EML1: variants seen among roughly 807,000 people sequenced by gnomAD.
EML1 encodes the protein EMAP like 1.
A neutral mutation model predicts 110.4 loss-of-function variants in EML1; 27 were observed. The observed-to-expected ratio is 0.24, with a 90% CI of 0.18 to 0.34. The LOEUF is 0.34. Among genes scored for constraint, EML1 ranks in the 10% least tolerant of loss-of-function variants. The probability of loss-of-function intolerance (pLI) is 1.00; values close to 1 mark genes in which losing one functional copy is unlikely to be tolerated. For missense variants in EML1, 741 were observed against 1,030.9 expected, an observed-to-expected ratio of 0.72 and a Z score of 3.85; for synonymous variants, 344 against 385.8, an observed-to-expected ratio of 0.89 and a Z score of 1.27.
intron 9 of EML1, among the ~76,000 whole-genome samples, chr14:99,904,547 T>TTAG (rs2059812862): frequency 1.2e-5 from 1 of 83,654 alleles, no homozygotes; most frequent in African/African-American, 3.5e-5. Flanking sequence ...TGATTTAAGC[T>TTAG]TATTATTATT....
chr14:99,816,796 C>T (rs1486309319), intron 1 of EML1, among the ~76,000 whole-genome samples: 1 of 152,240 alleles, frequency 6.6e-6, no homozygotes, highest in African/African-American at 2.4e-5. Context: ...CTGTGTGTGG[C>T]TGACATCTTC....
At chr14:99,874,571 C>T (rs554240960) in intron 3 of EML1, among the ~76,000 whole-genome samples, 1 of 147,792 alleles carries the variant, frequency 6.8e-6, no homozygotes, top group South Asian at 2.1e-4. Context: ...GCCCTTGTTA[C>T]TGCAAATGTC....
At chr14:99,870,341 A>T (rs1375522819) in intron 3 of EML1, among the ~76,000 whole-genome samples, 10 of 152,226 alleles carry the variant, frequency 6.6e-5, no homozygotes. Context: ...AGGTTGGCTC[A>T]TGAGGTTTAA....
At chr14:99,925,693 G>C (rs1014590361) in intron 17 of EML1, among the ~76,000 whole-genome samples, 1 of 152,160 alleles carries the variant, frequency 6.6e-6, no homozygotes, top group Admixed American at 6.5e-5. Flanking sequence ...TTTCCATGTC[G>C]GCCTGGCTTT....
intron 1 of EML1, among the ~76,000 whole-genome samples, chr14:99,795,890 G>C (rs143258632): frequency 1.4e-3 from 209 of 152,254 alleles, no homozygotes; most frequent in African/African-American, 4.8e-3. Flanking sequence ...ATATTATTTG[G>C]ATGACTGTCA....
intron 1 of EML1, among the ~76,000 whole-genome samples, chr14:99,756,028 C>T (rs553027395): frequency 1.3e-5 from 2 of 152,356 alleles, no homozygotes; most frequent in African/African-American, 2.4e-5. Flanking sequence ...CACAGCCCCT[C>T]GCCTAGCCAG....
At position 99,891,196 on chromosome 14, in the gene EML1, C is replaced by T. The variant is rs762919969; in HGVS notation, c.519-3C>T. Reference sequence around the variant, plus strand: ...AAAAACTGTTTTTCGTTTATTTTCACAGCAAACCCAAGGAGCCTGTATTCA... The same window carrying T: ...AAAAACTGTTTTTCGTTTATTTTCATAGCAAACCCAAGGAGCCTGTATTCA... On this transcript the variant is annotated splice_polypyrimidine_tract_variant and splice_region_variant and intron_variant, in intron 4 of 21. Transcript: ENST00000262233. 6.2e-7 allele frequency: 1 copy of T among 1,614,156 alleles called. No individual in the cohort carries two copies.
At chr14:99,900,084 C>T (rs2059735611) in intron 8 of EML1, among the ~76,000 whole-genome samples, 1 of 151,834 alleles carries the variant, frequency 6.6e-6, no homozygotes, top group African/African-American at 2.4e-5. Context: ...GCGTAAATAA[C>T]CTAGGAACAC....
intron 17 of EML1, among the ~76,000 whole-genome samples, chr14:99,923,610 A>G: frequency 6.7e-6 from 1 of 150,050 alleles, no homozygotes; most frequent in African/African-American, 2.4e-5. Context: ...TCAGAAATGT[A>G]AAGGTTTATT....
At chr14:99,893,182 G>A (rs1448301879) in intron 5 of EML1, among the ~76,000 whole-genome samples, 1 of 152,224 alleles carries the variant, frequency 6.6e-6, no homozygotes, top group Non-Finnish European at 1.5e-5. Context: ...TGCGGTGAGA[G>A]CCTGGCAGGG....
intron 1 of EML1, among the ~76,000 whole-genome samples, chr14:99,820,007 AC>A (rs1410538263): frequency 6.6e-6 from 1 of 152,184 alleles, no homozygotes; most frequent in Non-Finnish European, 1.5e-5. Flanking sequence ...AATTAATAGT[AC>A]TTCCCTATAA....
chr14:99,938,047 A>C (rs1595513002), intron 20 of EML1, 135 bp downstream of exon 20: 69 of 824,744 alleles, frequency 8.4e-5, no homozygotes, highest in Middle Eastern at 2.4e-4. Flanking sequence ...CATGAGACAC[A>C]CCTCCTGCCG....
intron 1 of EML1, among the ~76,000 whole-genome samples, chr14:99,761,397 C>G (rs2057312304): frequency 6.6e-6 from 1 of 152,180 alleles, no homozygotes; most frequent in African/African-American, 2.4e-5. Context: ...AGAAGGAAGG[C>G]TGGCAGAGCG....
At position 99,874,818 on chromosome 14, in the gene EML1, G is replaced by A. The variant is rs1479268824; in HGVS notation, c.384-3667G>A. 5 of 868,050 alleles carry A rather than the reference G, an allele frequency of 5.8e-6. No homozygotes were observed. In the Admixed American group the frequency reaches 8.7e-5, roughly 15 times the overall value. The allele number at this position is 868,050 out of a possible 1,614,324, so 53.8% of individuals were successfully genotyped here. A position where few individuals can be genotyped will look rare whatever the true frequency, so the allele number is the denominator to read the frequency against. ...ATATTTGCGAACCAAAATGTCTTTC[G>A]ATTTTGATGTGTGCGTCCTGCAATT... On this transcript the variant is annotated intron_variant, in intron 3 of 21. Coordinates refer to ENST00000262233, the MANE Select transcript of EML1 (RefSeq NM_004434.3).
chr14:99,812,096 C>G (rs990236509), intron 1 of EML1, among the ~76,000 whole-genome samples: 2 of 151,952 alleles, frequency 1.3e-5, no homozygotes, highest in Admixed American at 1.3e-4. Context: ...TCTGACATCT[C>G]AAGAGCTAAG....
chr14:99,746,362 G>A (rs1465045904), intron 1 of EML1, among the ~76,000 whole-genome samples: 1 of 152,154 alleles, frequency 6.6e-6, no homozygotes, highest in East Asian at 1.9e-4. Flanking sequence ...AATCCCCTCT[G>A]AACTTTTCGG....
intron 15 of EML1, chr14:99,915,119 C>T (rs747747517): frequency 1.4e-5 from 3 of 215,900 alleles, no homozygotes; most frequent in Non-Finnish European, 2.7e-5. Flanking sequence ...AGTGAACTTT[C>T]GTTTGAAAGT....
chr14:99,815,852 G>A (rs1352456884), intron 1 of EML1, among the ~76,000 whole-genome samples: 1 of 152,150 alleles, frequency 6.6e-6, no homozygotes, highest in African/African-American at 2.4e-5. Flanking sequence ...CTTACGAGAT[G>A]AGCATCTTGT....
chr14:99,851,062 T>A (rs753147969), intron 2 of EML1, 27 bp downstream of exon 2: 1 of 1,592,270 alleles, frequency 6.3e-7, no homozygotes, highest in Non-Finnish European at 8.6e-7. Flanking sequence ...CACAGGAACT[T>A]CAGTAGAATT....
Sources: allele counts gnomAD v4.1 joint callset (sites outside exome capture counted in the v4.1 genomes callset), GRCh38; gene constraint gnomAD v4.1.1; transcripts MANE v1.5; gene names NCBI Gene and HGNC (gene_info 2026-07-23, HGNC 2026-07-21).